The following DBN1 variants were observed in gnomAD, a reference collection of about 807,000 sequenced individuals.
The protein encoded by DBN1 is drebrin.
DBN1 carries 21 observed loss-of-function variants against 83.5 expected under a neutral mutation model. The observed-to-expected ratio is 0.25, with a 90% CI of 0.18 to 0.36. DBN1 has a LOEUF of 0.36. DBN1 is among the 10% of genes least tolerant of loss of function. DBN1 has a pLI of 1.00. For missense variants in DBN1, 874 were observed against 935.7 expected (o/e 0.93, Z 0.86); for synonymous variants, 381 against 384.9 (o/e 0.99, Z 0.12).
rs1007843457 is a variant in DBN1, at chr5:177,467,462, G to A, written c.477+19C>T. ...CAGGCCACGCAGGCAGAGCCCACGGGTGCCAAACACACACTAACCACGGGC... is the reference window on the plus strand; with the variant it reads ...CAGGCCACGCAGGCAGAGCCCACGGATGCCAAACACACACTAACCACGGGC... On this transcript the variant is annotated intron_variant, in intron 5 of 14. Coordinates refer to ENST00000393565, the MANE Select transcript of DBN1 (RefSeq NM_001363541.2). The surrounding 1 kb of genome is among the most constrained non-coding windows in gnomAD (Gnocchi z 9.1). 1 of 1,606,548 alleles carries A rather than the reference G, an allele frequency of 6.2e-7. No homozygotes were observed. Among genetic ancestry groups the A allele is most frequent in the Non-Finnish European group, 8.5e-7 (1 of 1,175,592 alleles).
intron 14 of DBN1, 54 bp downstream of exon 14, chr5:177,457,601 C>T (rs1756611734): frequency 6.5e-7 from 1 of 1,530,250 alleles, no homozygotes; most frequent in Non-Finnish European, 9.0e-7. Context: ...GCTACCCACA[C>T]TCAAATCCAG....
chr5:177,457,580 G>A (rs1358025114), intron 14 of DBN1, 75 bp downstream of exon 14: 5 of 1,537,290 alleles, frequency 3.3e-6, no homozygotes, highest in Non-Finnish European at 4.5e-6. Flanking sequence ...GCGGTGGGTA[G>A]TGGTGGGGTG....
rs202185789 is a variant in DBN1 at position 177,460,578 on chromosome 5, G to A, written c.832-23C>T. On this transcript the variant is annotated intron_variant, in intron 9 of 14. Coordinates refer to ENST00000393565, the MANE Select transcript of DBN1 (RefSeq NM_001363541.2). Reference sequence around the variant, plus strand: ...CTCCTGAGGGCACGAGGAAAAGGTTGGGGCTGGGCCAGGCAAGCTGAGATA... The same window carrying A: ...CTCCTGAGGGCACGAGGAAAAGGTTAGGGCTGGGCCAGGCAAGCTGAGATA... The A allele has an allele frequency of 7.0e-4, 1,129 of 1,614,162 alleles. 1 individual carries two copies. Among genetic ancestry groups the A allele is most frequent in the Non-Finnish European group, 9.0e-4 (1,057 of 1,180,032 alleles).
rs1299405035 is a variant in DBN1 at position 177,466,745 on chromosome 5, G to C, written c.771+27C>G. 2 of 1,613,338 alleles carry C rather than the reference G, an allele frequency of 1.2e-6. No individual in the cohort carries two copies. The highest frequency in any genetic ancestry group is 1.1e-5 in the South Asian group (1 of 91,056). ...ACCATTCTCACTTCCCTGACCCAGA[G>C]ACCGGGAGCCTTGGCAAAGAACTTA... On this transcript the variant is annotated intron_variant, in intron 8 of 14. Transcript: ENST00000393565. The surrounding 1 kb of genome is among the most constrained non-coding windows in gnomAD (Gnocchi z 4.8).
At chr5:177,464,264 G>A (rs377498402) in intron 8 of DBN1, among the ~76,000 whole-genome samples, 3 of 151,416 alleles carry the variant, frequency 2.0e-5, no homozygotes, top group African/African-American at 7.3e-5. Context: ...TGACCAACAC[G>A]GTGAAACCCT....
Position 177,458,126 on chromosome 5 carries a change from C to T in DBN1, c.1846G>A (p.Glu616Lys). ...TGGGGCTCCGGCTCCTGCTCTTGCT[C>T]CAGCTCCTCAAGGGCTGAGGGCAGA... Reference protein sequence around the residue: ...PTLPSALEELEQEQEPEPHLL... With the variant: ...PTLPSALEELKQEQEPEPHLL... Residue 616 changes from glutamate (E) to lysine (K), a missense_variant, in exon 13 of 15, where the codon GAG (glutamate) becomes AAG (lysine). By Grantham distance (56) the Glu-to-Lys change is moderately conservative (BLOSUM62 1). Transcript: ENST00000393565. The T allele has an allele frequency of 1.2e-6, 2 of 1,613,646 alleles. No individual in the cohort carries two copies. Among genetic ancestry groups the T allele is most frequent in the Non-Finnish European group, 1.7e-6 (2 of 1,180,014 alleles).
In DBN1 at chr5:177,466,939, C is replaced by T. The variant is rs1757484524; in HGVS notation, c.679G>A (p.Glu227Lys). ...TGCTCCTCGATCTGCTGCTCCCGCT[C>T]CCGGTAGCGCCGCTCGCGCTCCTCT... ...EQEERERRYREREQQIEEHRR... is the reference protein window; with the variant it reads ...EQEERERRYRKREQQIEEHRR... The change falls in exon 7 of 15, where the codon GAG (glutamate) becomes AAG (lysine). Residue 227 changes from glutamate to lysine, a missense_variant. Transcript: ENST00000393565. The surrounding 1 kb of genome is among the most constrained non-coding windows in gnomAD (Gnocchi z 4.8). 1.2e-6 allele frequency: 2 copies of T among 1,612,672 alleles called. No individual in the cohort carries two copies. Among genetic ancestry groups the T allele is most frequent in the Non-Finnish European group, 1.7e-6 (2 of 1,179,776 alleles).
intron 8 of DBN1, among the ~76,000 whole-genome samples, chr5:177,464,886 G>A (rs1290573629): frequency 3.3e-5 from 5 of 152,104 alleles, no homozygotes; most frequent in Non-Finnish European, 5.9e-5. Context: ...CGGGTGCAGT[G>A]GCTCACGCCT....
Position 177,467,410 on chromosome 5 carries a change from G to T in DBN1, c.477+71C>A. 1 of 1,613,388 alleles carries T rather than the reference G, an allele frequency of 6.2e-7. No individual in the cohort carries two copies. The highest frequency in any genetic ancestry group is 1.1e-5 in the South Asian group (1 of 91,042). ...GACACCTAAAGGGTGAGAGCTAAGA[G>T]GGACCGGGCAGGCCAGACTCGGGCA... On this transcript the variant is annotated intron_variant, in intron 5 of 14. Transcript: ENST00000393565. This position sits in a 1 kb window ranked among gnomAD's most constrained non-coding sequence, Gnocchi z 9.1.
chr5:177,468,391 C>T (rs527945520), intron 2 of DBN1, among the ~76,000 whole-genome samples, 171 bp from the exon 3 acceptor site: 5 of 152,214 alleles, frequency 3.3e-5, no homozygotes, highest in African/African-American at 7.2e-5. Flanking sequence ...GGGGTGGTGG[C>T]GCACAGGGAT....
Position 177,464,956 on chromosome 5 carries a change from C to T in DBN1, c.771+1816G>A, listed in dbSNP as rs1344905943. Among the ~76,000 whole-genome samples, 3 of 152,042 alleles carry T rather than the reference C, an allele frequency of 2.0e-5. No homozygotes were observed. The South Asian group carries it at 6.2e-4, about 31-fold the overall frequency. On this transcript the variant is annotated intron_variant, in intron 8 of 14. Coordinates refer to ENST00000393565, the MANE Select transcript of DBN1 (RefSeq NM_001363541.2). ...GATCATGAGGTCAGGAGATCGAGAC[C>T]ACCCTGGCTAACATGGTGAAACCCC...
intron 11 of DBN1, among the ~76,000 whole-genome samples, 162 bp from the exon 12 acceptor site, chr5:177,459,430 G>A (rs1435548270): frequency 6.6e-6 from 1 of 152,042 alleles, no homozygotes; most frequent in African/African-American, 2.4e-5. Flanking sequence ...GACCCTGTAA[G>A]CTAGGCCCCT....
chr5:177,472,091 G>A (rs1286098737), intron 1 of DBN1: 8 of 1,593,748 alleles, frequency 5.0e-6, no homozygotes, highest in Middle Eastern at 3.3e-4. Context: ...TGCCTGCTGA[G>A]CCTGTGCCGG....
chr5:177,468,767 C>G, intron 2 of DBN1, 77 bp downstream of exon 2: 1 of 1,048,602 alleles, frequency 9.5e-7, no homozygotes, highest in Non-Finnish European at 1.3e-6. Context: ...AGGTGGCCTA[C>G]AGCCAGGTGG....
intron 1 of DBN1, 44 bp from the exon 2 acceptor site, chr5:177,468,943 C>CCGCCAATTCTGGGTGGGGA: frequency 7.9e-7 from 1 of 1,268,390 alleles, no homozygotes; most frequent in Non-Finnish European, 1.0e-6. Context: ...AGGGCCCAGG[C>CCGCCAATTCTGGGTGGGGA]CGCCAATTCT....
intron 8 of DBN1, among the ~76,000 whole-genome samples, chr5:177,462,773 C>T (rs991920532): frequency 1.1e-4 from 16 of 152,258 alleles, no homozygotes; most frequent in African/African-American, 2.9e-4. Context: ...AAGGGCCCTT[C>T]GTAGTATCCC....
Position 177,460,539 on chromosome 5 carries a change from A to G in DBN1, c.848T>C (p.Ile283Thr). 6.2e-7 allele frequency: 1 copy of G among 1,614,164 alleles called. No individual in the cohort carries two copies. The highest frequency in any genetic ancestry group is 8.5e-7 in the Non-Finnish European group (1 of 1,180,022). The change falls in exon 10 of 15, where the codon ATT (isoleucine) becomes ACT (threonine). Residue 283 changes from isoleucine to threonine, a missense_variant. Ile to Thr is a moderately conservative substitution (Grantham distance 89, BLOSUM62 -1). Coordinates refer to ENST00000393565, the MANE Select transcript of DBN1 (RefSeq NM_001363541.2). The stretch of plus-strand genomic sequence containing the variant: ...CCTTGGGTTGTCAGGCCGCTGGGCA[A>G]TAATAGCTGCTGCCTCCTGAGGGCA... ...ESEVEEAAAIIAQRPDNPREF... is the reference protein window; with the variant it reads ...ESEVEEAAAITAQRPDNPREF...
intron 1 of DBN1, chr5:177,472,460 G>A: frequency 7.7e-7 from 1 of 1,299,936 alleles, no homozygotes; most frequent in Non-Finnish European, 9.8e-7. Context: ...GGAACCCCTC[G>A]GTTTCCTTTT....
chr5:177,460,318 C>G (rs777620377), intron 10 of DBN1, 114 bp downstream of exon 10: 2 of 1,493,558 alleles, frequency 1.3e-6, no homozygotes, highest in Non-Finnish European at 9.2e-7. Flanking sequence ...GATGAAGGGT[C>G]TCGCCTTCTC....
Sources: allele counts gnomAD v4.1 joint callset (sites outside exome capture counted in the v4.1 genomes callset), GRCh38; gene constraint gnomAD v4.1.1; non-coding constraint Gnocchi (gnomAD v3.1); transcripts MANE v1.5; gene names NCBI Gene and HGNC (gene_info 2026-07-23, HGNC 2026-07-21).